Variants in CAP2 observed in about 807,000 individuals in gnomAD.
CAP2 encodes the protein cyclase associated actin cytoskeleton regulatory protein 2, also known as adenylyl cyclase-associated protein 2.
Under a neutral mutation model 57.7 loss-of-function variants are expected in CAP2, and 24 were observed. The ratio of observed to expected loss-of-function variants is 0.42; its 90% confidence interval spans 0.30 to 0.58. CAP2 has a LOEUF of 0.58. CAP2 is among the 20% of genes least tolerant of loss of function. The probability of loss-of-function intolerance (pLI) is 0.22; values close to 1 mark genes in which losing one functional copy is unlikely to be tolerated. For synonymous variants in CAP2, 194 were observed against 207.2 expected, an observed-to-expected ratio of 0.94 and a Z score of 0.55; for missense variants, 501 against 590.3, an observed-to-expected ratio of 0.85 and a Z score of 1.57.
intron 3 of CAP2, among the ~76,000 whole-genome samples, chr6:17,431,109 CGTG>C (rs1189631100): frequency 6.6e-6 from 1 of 152,030 alleles, no homozygotes; most frequent in African/African-American, 2.4e-5. Context: ...ATTGAGAACA[CGTG>C]GTCACAAAGA....
intron 7 of CAP2, among the ~76,000 whole-genome samples, chr6:17,532,548 C>CCAGTCTGGCCAA (rs1762670704): frequency 6.6e-6 from 1 of 150,578 alleles, no homozygotes; most frequent in Admixed American, 6.6e-5. Context: ...GGGTTTGAGA[C>CCAGTCTGGCCAA]CAGTCTGGCC....
chr6:17,417,194 T>A (rs1264314546), intron 1 of CAP2, among the ~76,000 whole-genome samples: 1 of 150,194 alleles, frequency 6.7e-6, no homozygotes, highest in East Asian at 1.9e-4. Flanking sequence ...CTCATTATAA[T>A]GAAACTCAAA....
At position 17,472,058 on chromosome 6, in the gene CAP2, G is replaced by GCAATATATGCTTTTAATTTCTGGAGAA. The variant is rs1284993776; in HGVS notation, c.300+8985_300+8986insCAATATATGCTTTTAATTTCTGGAGAA. On this transcript the variant is annotated intron_variant, in intron 4 of 12. Transcript: ENST00000229922. ...TCTGTTAATAGTGCTGAATGGGCCG[G>GCAATATATGCTTTTAATTTCTGGAGAA]GCGCGGTGGCTCACGCCTGTAATCC... Among the ~76,000 whole-genome samples the GCAATATATGCTTTTAATTTCTGGAGAA allele has an allele frequency of 1.4e-3, 138 of 98,454 alleles. 22 individuals carry two copies. Among genetic ancestry groups the GCAATATATGCTTTTAATTTCTGGAGAA allele is most frequent in the Middle Eastern group, 5.7e-3 (1 of 176 alleles). 64.6% of individuals were successfully genotyped at this position (98,454 alleles called of 152,430 possible).
At position 17,513,197 on chromosome 6, in the gene CAP2, T is replaced by G. The variant is rs1463730798; in HGVS notation, c.531-652T>G. On this transcript the variant is annotated intron_variant, in intron 6 of 12. Transcript: ENST00000229922. The surrounding 1 kb of genome is among the most constrained non-coding windows in gnomAD (Gnocchi z 4.3). ...AGCCCTTGGTTCAATAAAATAGAGATAAAAATACTGGTGATGCCTTGCCTG... is the reference window on the plus strand; with the variant it reads ...AGCCCTTGGTTCAATAAAATAGAGAGAAAAATACTGGTGATGCCTTGCCTG... 6.6e-6 allele frequency among the ~76,000 whole-genome samples: 1 copy of G among 152,150 alleles called. No homozygotes were observed. Among genetic ancestry groups the G allele is most frequent in the Non-Finnish European group, 1.5e-5 (1 of 68,012 alleles).
At chr6:17,506,099 G>C (rs888880429) in intron 4 of CAP2, among the ~76,000 whole-genome samples, 1 of 151,966 alleles carries the variant, frequency 6.6e-6, no homozygotes, top group African/African-American at 2.4e-5. Flanking sequence ...GGGTCTTGCT[G>C]TGTTGTCTGG....
At chr6:17,543,165 A>G (rs772824002) in intron 11 of CAP2, 22 bp downstream of exon 11, 3 of 1,589,598 alleles carry the variant, frequency 1.9e-6, no homozygotes, top group African/African-American at 2.7e-5. Context: ...CTTTCCAACC[A>G]TGCTGTAATA....
intron 4 of CAP2, among the ~76,000 whole-genome samples, chr6:17,504,945 G>A (rs896032635): frequency 6.6e-6 from 1 of 152,110 alleles, no homozygotes. Flanking sequence ...ATAGATGTCT[G>A]TTTGGAGCTT....
chr6:17,530,923 T>C, intron 7 of CAP2: 1 of 1,518,086 alleles, frequency 6.6e-7, no homozygotes, highest in South Asian at 1.1e-5. Context: ...AGCCTGTTGA[T>C]CTGGTCCTCC....
In CAP2 at chr6:17,466,886, G is replaced by A. The variant is rs528780757; in HGVS notation, c.300+3813G>A. 3.9e-5 allele frequency among the ~76,000 whole-genome samples: 6 copies of A among 151,996 alleles called. No homozygotes were observed. In the East Asian group the frequency reaches 1.2e-3, roughly 29 times the overall value. ...AACTGCAGAGGTTTATTTCTTGTGC[G>A]CACTATATAGCTATCTGTTGCAAGT... On this transcript the variant is annotated intron_variant, in intron 4 of 12. Coordinates refer to ENST00000229922, the MANE Select transcript of CAP2 (RefSeq NM_006366.3).
At position 17,531,232 on chromosome 6, in the gene CAP2, C is replaced by G. The variant is rs1301453101; in HGVS notation, c.637-8037C>G. 3 of 783,712 alleles carry G rather than the reference C, an allele frequency of 3.8e-6. No homozygotes were observed. The African/African-American group carries it at 5.1e-5, about 13-fold the overall frequency. The allele number at this position is 783,712 out of a possible 1,614,324, so 48.5% of individuals were successfully genotyped here. A position where few individuals can be genotyped will look rare whatever the true frequency, so the allele number is the denominator to read the frequency against. On this transcript the variant is annotated intron_variant, in intron 7 of 12. Transcript: ENST00000229922. ...GGGTACCCCCATGCAGTGTATGGCT[C>G]TACAATCCTCAGCATGTTAACTGAA...
At chr6:17,423,145 A>G (rs1376633855) in intron 2 of CAP2, among the ~76,000 whole-genome samples, 1 of 152,172 alleles carries the variant, frequency 6.6e-6, no homozygotes. Context: ...CTTCAGAAAA[A>G]GCTTTCACCA....
chr6:17,514,419 C>T (rs1455841185), intron 7 of CAP2, among the ~76,000 whole-genome samples: 3 of 151,546 alleles, frequency 2.0e-5, no homozygotes, highest in Non-Finnish European at 4.4e-5. Flanking sequence ...GGAGAAATTT[C>T]GGAGCTCCCT....
intron 4 of CAP2, among the ~76,000 whole-genome samples, chr6:17,484,673 T>C (rs1319307580): frequency 6.6e-6 from 1 of 152,178 alleles, no homozygotes; most frequent in East Asian, 1.9e-4. Flanking sequence ...AGTGTTTATA[T>C]GGAGCCGGGT....
chr6:17,554,978 T>C (rs1285207185), intron 12 of CAP2, among the ~76,000 whole-genome samples: 1 of 152,202 alleles, frequency 6.6e-6, no homozygotes, highest in East Asian at 1.9e-4. Flanking sequence ...TAGAGTGCCT[T>C]GGTGAAGGGT....
chr6:17,542,997 T>C (rs994355286), intron 10 of CAP2, 37 bp downstream of exon 10: 3 of 1,612,660 alleles, frequency 1.9e-6, no homozygotes. Flanking sequence ...TATTATGATG[T>C]TTTATAAACA....
intron 3 of CAP2, among the ~76,000 whole-genome samples, chr6:17,457,513 C>G (rs1216970597): frequency 2.6e-5 from 4 of 152,122 alleles, no homozygotes; most frequent in African/African-American, 4.8e-5. Flanking sequence ...ACATGTCGAC[C>G]GATAAGGTTA....
intron 4 of CAP2, among the ~76,000 whole-genome samples, chr6:17,495,826 A>C (rs964952049): frequency 1.3e-5 from 2 of 152,136 alleles, no homozygotes; most frequent in African/African-American, 4.8e-5. Context: ...AAGAAAATAC[A>C]GAGAAAGAGA....
Position 17,556,557 on chromosome 6 carries a change from A to T in CAP2, c.*115A>T, listed in dbSNP as rs144216781. The stretch of plus-strand genomic sequence containing the variant: ...CCTACTGCTTTAGCTTTGGCCTCCA[A>T]CGATTCTGTGCTATAGATACAGCAC... On this transcript the variant is annotated 3_prime_UTR_variant, in exon 13 of 13. Transcript: ENST00000229922. 1.2e-4 allele frequency: 90 copies of T among 754,288 alleles called. No individual in the cohort carries two copies. The African/African-American group carries it at 1.3e-3, about 11-fold the overall frequency. 46.7% of individuals were successfully genotyped at this position (754,288 alleles called of 1,614,324 possible).
At chr6:17,481,549 TA>T (rs1298387828) in intron 4 of CAP2, among the ~76,000 whole-genome samples, 7 of 152,226 alleles carry the variant, frequency 4.6e-5, no homozygotes, top group African/African-American at 1.7e-4. Context: ...ATTTACTTGC[TA>T]ATTTACTAAC....
Sources: gnomAD v4.1 joint callset for allele counts (sites outside exome capture counted in the v4.1 genomes callset) on GRCh38, gnomAD v4.1.1 for gene constraint, Gnocchi (gnomAD v3.1) non-coding constraint, MANE v1.5 for transcripts, NCBI Gene and HGNC (gene_info 2026-07-23, HGNC 2026-07-21) for gene names.